ERGIC1: variants seen among roughly 807,000 people sequenced by gnomAD.
ERGIC1 encodes endoplasmic reticulum-Golgi intermediate compartment protein 1.
Under a neutral mutation model 38.3 loss-of-function variants are expected in ERGIC1, and 19 were observed. The ratio of observed to expected loss-of-function variants is 0.50; its 90% confidence interval spans 0.35 to 0.73. ERGIC1 has a LOEUF of 0.73. Among genes scored for constraint, ERGIC1 ranks in the 30% least tolerant of loss-of-function variants. The probability of loss-of-function intolerance (pLI) is 0.01; values close to 1 mark genes in which losing one functional copy is unlikely to be tolerated. For missense variants in ERGIC1, 294 were observed against 389.2 expected (o/e 0.76, Z 2.06); for synonymous variants, 124 against 157.6 (o/e 0.79, Z 1.60).
At chr5:172,849,253 A>G (rs1761346642) in intron 1 of ERGIC1, among the ~76,000 whole-genome samples, 1 of 152,074 alleles carries the variant, frequency 6.6e-6, no homozygotes, top group Non-Finnish European at 1.5e-5. Context: ...CTTGTTTTTG[A>G]GTTGAGCAAC....
At chr5:172,900,486 C>T (rs1191331278) in intron 3 of ERGIC1, among the ~76,000 whole-genome samples, 1 of 152,064 alleles carries the variant, frequency 6.6e-6, no homozygotes, top group Non-Finnish European at 1.5e-5. Context: ...GCCAGAGGAT[C>T]ACTTAGCCCA....
intron 9 of ERGIC1, among the ~76,000 whole-genome samples, chr5:172,944,356 C>T (rs1431510374): frequency 6.6e-6 from 1 of 151,226 alleles, no homozygotes; most frequent in Non-Finnish European, 1.5e-5. Flanking sequence ...GAGGATTAGT[C>T]TTCCTTTTTT....
chr5:172,845,020 C>G (rs1361496120), intron 1 of ERGIC1, among the ~76,000 whole-genome samples: 2 of 125,134 alleles, frequency 1.6e-5, no homozygotes, highest in Non-Finnish European at 3.8e-5. Flanking sequence ...TTCCCATCTT[C>G]TTGAGGAGGA....
chr5:172,853,430 G>A (rs1389269889), intron 1 of ERGIC1, among the ~76,000 whole-genome samples: 1 of 152,160 alleles, frequency 6.6e-6, no homozygotes, highest in South Asian at 2.1e-4. Flanking sequence ...CTTCTGCCAG[G>A]TACCTCTCAG....
At chr5:172,886,837 A>G (rs1020137774) in intron 1 of ERGIC1, among the ~76,000 whole-genome samples, 31 of 152,176 alleles carry the variant, frequency 2.0e-4, no homozygotes, top group African/African-American at 7.2e-4. Context: ...TCCACAGCAC[A>G]TGCTCTTACC....
In ERGIC1 at chr5:172,834,602, A is replaced by G. The variant is rs1760988447; in HGVS notation, c.20+169A>G. Among the ~76,000 whole-genome samples the G allele has an allele frequency of 8.1e-6, 1 of 123,560 alleles. No homozygotes were observed. The highest frequency in any genetic ancestry group is 1.7e-5 in the Non-Finnish European group (1 of 58,296). The allele number at this position is 123,560 out of a possible 152,430, so 81.1% of individuals were successfully genotyped here. On this transcript the variant is annotated intron_variant, in intron 1 of 9. Transcript: ENST00000393784. This position sits in a 1 kb window ranked among gnomAD's most constrained non-coding sequence, Gnocchi z 4.1. ...CGAGCCCCCCCCCTGCCGCACACGA[A>G]GCCAGCCAGAGCCGCGGAGGCCCCC...
chr5:172,885,259 A>G (rs1180017936), intron 1 of ERGIC1, among the ~76,000 whole-genome samples: 1 of 151,520 alleles, frequency 6.6e-6, no homozygotes, highest in East Asian at 1.9e-4. Flanking sequence ...CCTCCTGACT[A>G]GCTGGGACTA....
At chr5:172,855,153 C>T (rs907656097) in intron 1 of ERGIC1, among the ~76,000 whole-genome samples, 17 of 152,200 alleles carry the variant, frequency 1.1e-4, no homozygotes, top group African/African-American at 3.9e-4. Context: ...CACCACCTAC[C>T]ACCTCCCTGG....
intron 2 of ERGIC1, among the ~76,000 whole-genome samples, chr5:172,890,534 ACTGT>A (rs1762531369): frequency 6.6e-6 from 1 of 152,242 alleles, no homozygotes; most frequent in Admixed American, 6.5e-5. Context: ...GCGTATGGGA[ACTGT>A]CTGTACTACC....
chr5:172,857,484 G>A (rs1761579279), intron 1 of ERGIC1, among the ~76,000 whole-genome samples: 1 of 152,172 alleles, frequency 6.6e-6, no homozygotes, highest in African/African-American at 2.4e-5. Context: ...GCAATGAACA[G>A]TCACAGCTCT....
intron 2 of ERGIC1, among the ~76,000 whole-genome samples, chr5:172,889,308 G>A (rs1180693275): frequency 6.6e-6 from 1 of 152,014 alleles, no homozygotes; most frequent in Non-Finnish European, 1.5e-5. Flanking sequence ...GCTGCCCCTG[G>A]GAGAGGAATT....
chr5:172,902,451 G>A (rs889202455), intron 3 of ERGIC1, among the ~76,000 whole-genome samples: 3 of 152,230 alleles, frequency 2.0e-5, no homozygotes, highest in African/African-American at 7.2e-5. Context: ...AGGCCTGAGG[G>A]CGTCTGAGTG....
chr5:172,864,266 GTCTTT>G (rs1761794095), intron 1 of ERGIC1, among the ~76,000 whole-genome samples: 1 of 125,220 alleles, frequency 8.0e-6, no homozygotes, highest in Admixed American at 8.7e-5. Flanking sequence ...ATATTTTGTA[GTCTTT>G]TTTTTTTTTT....
intron 3 of ERGIC1, among the ~76,000 whole-genome samples, chr5:172,909,166 C>CCCTTTTTTT (rs1763140093): frequency 1.9e-5 from 1 of 52,102 alleles, no homozygotes; most frequent in African/African-American, 6.3e-5. Context: ...CAGCCCTCCC[C>CCCTTTTTTT]TCTTTTTTTT....
chr5:172,886,133 C>T (rs1291278130), intron 1 of ERGIC1, among the ~76,000 whole-genome samples: 1 of 152,026 alleles, frequency 6.6e-6, no homozygotes, highest in African/African-American at 2.4e-5. Flanking sequence ...CGGCCCCCAT[C>T]GACACTTGGT....
chr5:172,844,477 C>T lies in ERGIC1; in HGVS notation c.20+10044C>T, dbSNP rs966699960. Among the ~76,000 whole-genome samples, 29 of 152,254 alleles carry T rather than the reference C, an allele frequency of 1.9e-4. 1 individual carries two copies. Among genetic ancestry groups the T allele is most frequent in the Admixed American group, 1.9e-3 (29 of 15,288 alleles). On this transcript the variant is annotated intron_variant, in intron 1 of 9. Coordinates refer to ENST00000393784, the MANE Select transcript of ERGIC1 (RefSeq NM_001031711.3). ...TCTGAGGGCTGACGATAGCCTATGA[C>T]AGGCAGGGTGCCGCCTCTGTGTCGC...
intron 9 of ERGIC1, 58 bp downstream of exon 9, chr5:172,935,368 G>T (rs1248767534): frequency 4.4e-6 from 7 of 1,608,564 alleles, no homozygotes; most frequent in Non-Finnish European, 6.0e-6. Context: ...GCCTGCTCTG[G>T]GCCCCTTTCC....
At chr5:172,855,023 T>G (rs1761509766) in intron 1 of ERGIC1, among the ~76,000 whole-genome samples, 1 of 152,178 alleles carries the variant, frequency 6.6e-6, no homozygotes, top group Non-Finnish European at 1.5e-5. Context: ...TCACACAGGT[T>G]TTTAGCTACC....
chr5:172,893,911 GTGTGTGTGTGTGTGTGT>G (rs1179743918), intron 2 of ERGIC1, among the ~76,000 whole-genome samples: 28 of 35,082 alleles, frequency 8.0e-4, no homozygotes, highest in African/African-American at 2.9e-3. Context: ...ATATATGTGT[GTGTGTGTGTGTGTGTGT>G]GTGTGTGTAT....
Sources: gnomAD v4.1 joint callset for allele counts (sites outside exome capture counted in the v4.1 genomes callset) on GRCh38, gnomAD v4.1.1 for gene constraint, Gnocchi (gnomAD v3.1) non-coding constraint, MANE v1.5 for transcripts, NCBI Gene and HGNC (gene_info 2026-07-23, HGNC 2026-07-21) for gene names.